OXSR1: variants seen among roughly 807,000 people sequenced by gnomAD.
The protein encoded by OXSR1 is oxidative stress responsive kinase 1, also known as serine/threonine-protein kinase OSR1.
Under a neutral mutation model 79.8 loss-of-function variants are expected in OXSR1, and 24 were observed. The ratio of observed to expected loss-of-function variants is 0.30; its 90% confidence interval spans 0.22 to 0.42. OXSR1 has a LOEUF of 0.42. Among genes scored for constraint, OXSR1 ranks in the 10% least tolerant of loss-of-function variants. The pLI is 1.00. For missense variants in OXSR1, 430 were observed against 618.4 expected, an observed-to-expected ratio of 0.70 and a Z score of 3.23; for synonymous variants, 226 against 209.2, an observed-to-expected ratio of 1.08 and a Z score of -0.69.
At chr3:38,209,721 G>C (rs1702347380) in intron 4 of OXSR1, among the ~76,000 whole-genome samples, 1 of 147,560 alleles carries the variant, frequency 6.8e-6, no homozygotes, top group Admixed American at 6.9e-5. Flanking sequence ...TGTAAGTTCT[G>C]CCTCCTGGGT....
At chr3:38,188,744 T>G (rs999224723) in intron 2 of OXSR1, among the ~76,000 whole-genome samples, 7 of 152,210 alleles carry the variant, frequency 4.6e-5, no homozygotes, top group African/African-American at 7.2e-5. Flanking sequence ...CTTAAAAACC[T>G]ACTTACCTTT....
intron 3 of OXSR1, 122 bp from the exon 4 acceptor site, chr3:38,198,599 GT>G (rs1303310651): frequency 6.2e-6 from 4 of 641,980 alleles, no homozygotes; most frequent in South Asian, 3.0e-5. Flanking sequence ...CATATTTGCT[GT>G]TTTTTTCATT....
intron 1 of OXSR1, among the ~76,000 whole-genome samples, chr3:38,166,180 A>G (rs903548350): frequency 2.0e-5 from 3 of 152,066 alleles, no homozygotes; most frequent in Non-Finnish European, 2.9e-5. Flanking sequence ...GAGGGGGCTC[A>G]GGAGAGATTT....
At chr3:38,190,872 CATGGTTTGAAAAGTTAGTAA>C (rs1238954837) in intron 3 of OXSR1, 33 bp downstream of exon 3, 1 of 1,182,398 alleles carries the variant, frequency 8.5e-7, no homozygotes, top group African/African-American at 1.5e-5. Flanking sequence ...CTATAAGTAC[CATGGTTTGAAAAGTTAGTAA>C]AAGTTTCCTT....
chr3:38,236,835 G>T lies in OXSR1; in HGVS notation c.952-4G>T. 3 of 1,594,830 alleles carry T rather than the reference G, an allele frequency of 1.9e-6. No homozygotes were observed. Among genetic ancestry groups the T allele is most frequent in the Non-Finnish European group, 2.6e-6 (3 of 1,169,914 alleles). Reference sequence around the variant, plus strand: ...CATAACCCACTTCTCTTTCTAATGAGCAGGTTCGGAGAGTACCAGGTTCCA... The same window carrying T: ...CATAACCCACTTCTCTTTCTAATGATCAGGTTCGGAGAGTACCAGGTTCCA... On this transcript the variant is annotated splice_polypyrimidine_tract_variant and splice_region_variant and intron_variant, in intron 10 of 17. Transcript: ENST00000311806.
chr3:38,171,242 G>A (rs79916644), intron 1 of OXSR1, among the ~76,000 whole-genome samples: 1,661 of 152,218 alleles, frequency 0.011, 22 homozygotes, highest in Middle Eastern at 0.031. Context: ...TTTCAGTAAA[G>A]CATTGTATTC....
intron 4 of OXSR1, among the ~76,000 whole-genome samples, chr3:38,213,567 A>C (rs964687196): frequency 7.9e-5 from 12 of 152,216 alleles, no homozygotes; most frequent in African/African-American, 2.9e-4. Context: ...GACTTTATCT[A>C]ATCATGATAT....
chr3:38,200,317 G>A (rs532713484), intron 4 of OXSR1, among the ~76,000 whole-genome samples: 1 of 152,298 alleles, frequency 6.6e-6, no homozygotes, highest in Admixed American at 6.5e-5. Flanking sequence ...TTTCAGGGCT[G>A]TGTAATGCCC....
Position 38,185,924 on chromosome 3 carries a change from GAC to G in OXSR1, c.183+2813_183+2814del, listed in dbSNP as rs563444829. 7.0e-3 allele frequency among the ~76,000 whole-genome samples: 853 copies of G among 121,582 alleles called. 9 individuals are homozygous for G. Among genetic ancestry groups the G allele is most frequent in the African/African-American group, 0.026 (821 of 31,876 alleles). 79.8% of individuals were successfully genotyped at this position (121,582 alleles called of 152,430 possible). A position where few individuals can be genotyped will look rare whatever the true frequency, so the allele number is the denominator to read the frequency against. ...CATGCCACTGCATGCCAGCCTGGGT[GAC>G]ACAGAGTGAGGCCCTGTCTCAAAAA... On this transcript the variant is annotated intron_variant, in intron 2 of 17. Transcript: ENST00000311806.
At chr3:38,204,489 C>A (rs1445670432) in intron 4 of OXSR1, among the ~76,000 whole-genome samples, 2 of 152,036 alleles carry the variant, frequency 1.3e-5, no homozygotes. Context: ...AGGTCCACAG[C>A]AAGTACAGCT....
intron 1 of OXSR1, among the ~76,000 whole-genome samples, chr3:38,166,644 A>T (rs1259912014): frequency 6.6e-6 from 1 of 151,946 alleles, no homozygotes; most frequent in Non-Finnish European, 1.5e-5. Flanking sequence ...TACAAAAATT[A>T]GTTGGGTGTG....
chr3:38,172,503 T>C (rs1406782874), intron 1 of OXSR1, among the ~76,000 whole-genome samples: 1 of 152,246 alleles, frequency 6.6e-6, no homozygotes, highest in African/African-American at 2.4e-5. Flanking sequence ...CACCTAGCTT[T>C]GACACTTTGA....
intron 4 of OXSR1, among the ~76,000 whole-genome samples, chr3:38,200,287 T>C (rs191256527): frequency 2.2e-4 from 33 of 152,298 alleles, no homozygotes; most frequent in Middle Eastern, 3.4e-3. Context: ...TTTTGATATA[T>C]GTCTGTCAGT....
At chr3:38,227,742 T>C (rs1160147145) in intron 8 of OXSR1, among the ~76,000 whole-genome samples, 2 of 152,072 alleles carry the variant, frequency 1.3e-5, no homozygotes, top group South Asian at 2.1e-4. Flanking sequence ...TTCCAAGCAG[T>C]GTCCCCCTTC....
chr3:38,213,037 G>A (rs1235138425), intron 4 of OXSR1, among the ~76,000 whole-genome samples: 2 of 152,172 alleles, frequency 1.3e-5, no homozygotes, highest in Non-Finnish European at 2.9e-5. Flanking sequence ...ATTATCTGGG[G>A]CATTGATCAG....
At chr3:38,180,290 TG>T (rs1701758298) in intron 1 of OXSR1, among the ~76,000 whole-genome samples, 1 of 152,190 alleles carries the variant, frequency 6.6e-6, no homozygotes. Flanking sequence ...ACATTGTTCA[TG>T]GGTCAACTGT....
intron 2 of OXSR1, among the ~76,000 whole-genome samples, chr3:38,183,849 G>C (rs1327577799): frequency 6.6e-6 from 1 of 152,144 alleles, no homozygotes; most frequent in East Asian, 1.9e-4. Flanking sequence ...TAAGTATATA[G>C]TAAGTGCTCA....
At position 38,255,054 on chromosome 3, in the gene OXSR1, A is replaced by G. The variant is rs1022038391; in HGVS notation, c.*2163A>G. 6.6e-6 allele frequency: 1 copy of G among 152,658 alleles called. No individual in the cohort carries two copies. The highest frequency in any genetic ancestry group is 2.4e-5 in the African/African-American group (1 of 41,442). The allele number at this position is 152,658 out of a possible 1,614,324, so 9.5% of individuals were successfully genotyped here. A position where few individuals can be genotyped will look rare whatever the true frequency, so the allele number is the denominator to read the frequency against. ...TGCTGGCTTGTGCAGTGATACTGAG[A>G]AAATACATGAACAGAAACTGCCCAG... On this transcript the variant is annotated 3_prime_UTR_variant, in exon 18 of 18. Transcript: ENST00000311806.
At chr3:38,243,121 C>T (rs1703069961) in intron 12 of OXSR1, among the ~76,000 whole-genome samples, 1 of 151,852 alleles carries the variant, frequency 6.6e-6, no homozygotes, top group Non-Finnish European at 1.5e-5. Flanking sequence ...CAGCCTTGAC[C>T]TCCTGGGGCT....
Sources: allele counts gnomAD v4.1 joint callset (sites outside exome capture counted in the v4.1 genomes callset), GRCh38; gene constraint gnomAD v4.1.1; transcripts MANE v1.5; gene names NCBI Gene and HGNC (gene_info 2026-07-23, HGNC 2026-07-21).